Variants in POLH observed in about 807,000 individuals in gnomAD.
POLH encodes the protein DNA polymerase eta transcript.
In POLH, 53 loss-of-function variants were observed where a neutral mutation model predicts 73.6. The ratio of observed to expected loss-of-function variants is 0.72; its 90% CI spans 0.58 to 0.91. POLH has a LOEUF of 0.91. Among genes scored for constraint, POLH ranks in the 40% least tolerant of loss-of-function variants. POLH has a pLI of 0.00. For synonymous variants in POLH, 292 were observed against 308.5 expected (o/e 0.95, Z 0.56); for missense variants, 768 against 865.4 (o/e 0.89, Z 1.41).
rs568513555 is a variant in POLH, at chr6:43,616,716, A to G, written c.*2159A>G. 6.6e-6 allele frequency among the ~76,000 whole-genome samples: 1 copy of G among 152,348 alleles called. No individual in the cohort carries two copies. Among genetic ancestry groups the G allele is most frequent in the Admixed American group, 6.5e-5 (1 of 15,304 alleles). On this transcript the variant is annotated 3_prime_UTR_variant, in exon 11 of 11. Transcript: ENST00000372236. ...GAAGCCTTGAAACCCTAAAAGTGAT[A>G]TGGTAACTAGGGCAGGTCTTTCTGT...
intron 4 of POLH, among the ~76,000 whole-genome samples, chr6:43,595,671 G>A (rs1394652399): frequency 6.6e-6 from 1 of 151,812 alleles, no homozygotes; most frequent in Non-Finnish European, 1.5e-5. Flanking sequence ...GAATGACGTG[G>A]ACTCGGGAGG....
In POLH at chr6:43,617,946, T is replaced by TA. The variant is rs1018132691; in HGVS notation, c.*3392dup. ...AAAAAAAAATTCCCAATGTGTATCT[T>TA]AAAGTTTGAGAAATGCTGATCTAAA... On this transcript the variant is annotated 3_prime_UTR_variant, in exon 11 of 11. Coordinates refer to ENST00000372236, the MANE Select transcript of POLH (RefSeq NM_006502.3). Among the ~76,000 whole-genome samples, 4 of 152,112 alleles carry TA rather than the reference T, an allele frequency of 2.6e-5. No individual in the cohort carries two copies. Among genetic ancestry groups the TA allele is most frequent in the African/African-American group, 7.2e-5 (3 of 41,422 alleles).
At position 43,618,637 on chromosome 6, in the gene POLH, T is replaced by C. The variant is rs1322635860; in HGVS notation, c.*4080T>C. Among the ~76,000 whole-genome samples, 2 of 151,882 alleles carry C rather than the reference T, an allele frequency of 1.3e-5. No homozygotes were observed. Among genetic ancestry groups the C allele is most frequent in the Non-Finnish European group, 2.9e-5 (2 of 67,972 alleles). ...TCCCTCCCATACATATACCCAAACT[T>C]CTATTTTTTTATGTGACGGAGTTTC... On this transcript the variant is annotated 3_prime_UTR_variant, in exon 11 of 11. Coordinates refer to ENST00000372236, the MANE Select transcript of POLH (RefSeq NM_006502.3).
rs776458288 is a variant in POLH at position 43,597,732 on chromosome 6, A to C, written c.527A>C (p.Asp176Ala). The change falls in exon 5 of 11, where the codon GAT (aspartate) becomes GCT (alanine). Residue 176 changes from aspartate to alanine, a missense_variant. Asp to Ala is a moderately radical substitution (Grantham distance 126, BLOSUM62 -2). Transcript: ENST00000372236. The part of the protein sequence containing the change: ...MRKQGLFQWL[D>A]SLQIDNLTSP... ...AAACAAGGCTTATTTCAATGGCTCG[A>C]TTCTCTTCAGATTGATAACCTCACC... 6.2e-7 allele frequency: 1 copy of C among 1,614,074 alleles called. No individual in the cohort carries two copies. The highest frequency in any genetic ancestry group is 8.5e-7 in the Non-Finnish European group (1 of 1,179,980).
intron 4 of POLH, among the ~76,000 whole-genome samples, chr6:43,588,009 G>A (rs1011754250): frequency 6.6e-6 from 1 of 152,314 alleles, no homozygotes; most frequent in Admixed American, 6.5e-5. Context: ...CTCCAGCCTA[G>A]GCTACAGAGG....
At chr6:43,605,543 G>C (rs1351237312) in intron 9 of POLH, among the ~76,000 whole-genome samples, 1 of 143,524 alleles carries the variant, frequency 7.0e-6, no homozygotes, top group Non-Finnish European at 1.5e-5. Context: ...CTACCTCTTA[G>C]GCTCAAGCTC....
chr6:43,598,134 G>A (rs573515726), intron 5 of POLH, among the ~76,000 whole-genome samples: 1 of 150,862 alleles, frequency 6.6e-6, no homozygotes, highest in Admixed American at 6.6e-5. Context: ...GAGTCCAGGA[G>A]GTTGAAGCTG....
intron 4 of POLH, among the ~76,000 whole-genome samples, chr6:43,589,026 G>A (rs1281886762): frequency 6.6e-6 from 1 of 151,622 alleles, no homozygotes; most frequent in Admixed American, 6.6e-5. Context: ...TTTTAGTAGA[G>A]ACAGGGTTTC....
rs1025444264 is a variant in POLH at position 43,616,286 on chromosome 6, A to G, written c.*1729A>G. ...CAGAGCGAGACTCCGTCTCAAAAAAAAAAAAAAAAGAAAAACTTCTCTTTA... is the reference window on the plus strand; with the variant it reads ...CAGAGCGAGACTCCGTCTCAAAAAAGAAAAAAAAAGAAAAACTTCTCTTTA... On this transcript the variant is annotated 3_prime_UTR_variant, in exon 11 of 11. Coordinates refer to ENST00000372236, the MANE Select transcript of POLH (RefSeq NM_006502.3). 6.6e-6 allele frequency among the ~76,000 whole-genome samples: 1 copy of G among 151,616 alleles called. No homozygotes were observed. Among genetic ancestry groups the G allele is most frequent in the African/African-American group, 2.4e-5 (1 of 41,264 alleles).
intron 1 of POLH, among the ~76,000 whole-genome samples, chr6:43,579,227 AT>A (rs920547728): frequency 6.6e-6 from 1 of 152,162 alleles, no homozygotes; most frequent in African/African-American, 2.4e-5. Context: ...TGCCTTTCTG[AT>A]TATGGGTCAT....
intron 3 of POLH, among the ~76,000 whole-genome samples, chr6:43,585,136 C>G (rs1304061608): frequency 6.6e-6 from 1 of 152,052 alleles, no homozygotes; most frequent in Non-Finnish European, 1.5e-5. Context: ...GCAGCCTGGG[C>G]AACAGTGAGA....
At chr6:43,582,512 C>T in intron 2 of POLH, 56 bp downstream of exon 2, 2 of 1,560,840 alleles carry the variant, frequency 1.3e-6, no homozygotes, top group Non-Finnish European at 1.8e-6. Flanking sequence ...GGCACTGTGG[C>T]AGGTCCTTTG....
At chr6:43,580,696 G>GCA (rs1763995019) in intron 1 of POLH, among the ~76,000 whole-genome samples, 1 of 137,354 alleles carries the variant, frequency 7.3e-6, no homozygotes. Flanking sequence ...CCCGGACTGG[G>GCA]CGGCTGGCCG....
At chr6:43,608,896 C>T (rs1767586764) in intron 9 of POLH, among the ~76,000 whole-genome samples, 2 of 152,182 alleles carry the variant, frequency 1.3e-5, no homozygotes, top group South Asian at 4.1e-4. Context: ...AATCTAATTT[C>T]TTGCTACTTC....
intron 1 of POLH, 126 bp from the exon 2 acceptor site, chr6:43,582,190 T>C (rs1417152617): frequency 6.8e-6 from 6 of 883,208 alleles, no homozygotes; most frequent in Non-Finnish European, 1.1e-5. Context: ...AATGCCTATT[T>C]CATTCTTGTT....
intron 4 of POLH, among the ~76,000 whole-genome samples, chr6:43,594,044 C>T (rs1212701623): frequency 6.6e-6 from 1 of 151,916 alleles, no homozygotes; most frequent in Non-Finnish European, 1.5e-5. Flanking sequence ...AGGTAAAAAG[C>T]ATTGTAGGGA....
chr6:43,604,797 T>G (rs1217701831), intron 8 of POLH, 59 bp downstream of exon 8: 1 of 1,589,926 alleles, frequency 6.3e-7, no homozygotes, highest in African/African-American at 1.3e-5. Context: ...GGGTAGGTTT[T>G]GGTAGCTGTG....
intron 9 of POLH, among the ~76,000 whole-genome samples, chr6:43,608,274 T>A (rs1419536117): frequency 6.6e-6 from 1 of 152,278 alleles, no homozygotes; most frequent in Non-Finnish European, 1.5e-5. Flanking sequence ...CTCACTTTCC[T>A]AATGGTATTG....
rs1354644429 is a variant in POLH at position 43,613,968 on chromosome 6, T to A, written c.1553T>A (p.Leu518Ter). Reference sequence around the variant, plus strand: ...AGCAATTCACCATCCAAGCCCTCATTACCTTTTCAAACCAGTCAAAGTACA... The same window carrying A: ...AGCAATTCACCATCCAAGCCCTCATAACCTTTTCAAACCAGTCAAAGTACA... Reference protein sequence around the residue: ...PMSNSPSKPSLPFQTSQSTGT... With the variant: ...PMSNSPSKPS Residue 518 changes from leucine to a stop codon, truncating the protein, a stop_gained, in exon 11 of 11, where the codon TTA becomes TAA. Coordinates refer to ENST00000372236, the MANE Select transcript of POLH (RefSeq NM_006502.3). LOFTEE classifies it high-confidence loss of function. 6.2e-7 allele frequency: 1 copy of A among 1,614,078 alleles called. No individual in the cohort carries two copies. Among genetic ancestry groups the A allele is most frequent in the Non-Finnish European group, 8.5e-7 (1 of 1,180,036 alleles).
Sources: allele counts gnomAD v4.1 joint callset (sites outside exome capture counted in the v4.1 genomes callset), GRCh38; gene constraint gnomAD v4.1.1; transcripts MANE v1.5; gene names NCBI Gene and HGNC (gene_info 2026-07-23, HGNC 2026-07-21).